The following FBXW11 variants were observed in gnomAD, a reference collection of about 807,000 sequenced individuals.
The protein encoded by FBXW11 is F-box and WD repeat domain containing 11, also known as F-box/WD repeat-containing protein 11.
Under a neutral mutation model 77.6 loss-of-function variants are expected in FBXW11, and 19 were observed. The observed-to-expected ratio is 0.24, with a 90% confidence interval of 0.17 to 0.36. The LOEUF is 0.36. FBXW11 is among the 10% of genes least tolerant of loss of function. FBXW11 has a pLI of 1.00. For synonymous variants in FBXW11, 235 were observed against 249.4 expected, an observed-to-expected ratio of 0.94 and a Z score of 0.54; for missense variants, 334 against 704.2, an observed-to-expected ratio of 0.47 and a Z score of 5.95.
intron 1 of FBXW11, among the ~76,000 whole-genome samples, chr5:171,990,966 C>T (rs1433780969): frequency 6.6e-6 from 1 of 152,098 alleles, no homozygotes; most frequent in Non-Finnish European, 1.5e-5. Context: ...GCTGGGATTA[C>T]AGGCGCATGC....
intron 1 of FBXW11, among the ~76,000 whole-genome samples, chr5:171,996,641 C>A (rs569243452): frequency 1.6e-4 from 24 of 152,244 alleles, no homozygotes; most frequent in African/African-American, 5.5e-4. Flanking sequence ...CCAGCCTGGG[C>A]GACCTGATGT....
Position 171,881,443 on chromosome 5 carries a change from G to A in FBXW11, c.853-3314C>T, listed in dbSNP as rs184409510. Among the ~76,000 whole-genome samples, 11 of 152,076 alleles carry A rather than the reference G, an allele frequency of 7.2e-5. No individual in the cohort carries two copies. In the East Asian group the frequency reaches 1.9e-3, roughly 27 times the overall value. On this transcript the variant is annotated intron_variant, in intron 7 of 13. Coordinates refer to ENST00000517395, the MANE Select transcript of FBXW11 (RefSeq NM_001378974.1). The stretch of plus-strand genomic sequence containing the variant: ...GAAAGAGTGTTCAATTTTCTCAAAC[G>A]CCCTTTCTGCATCTATTGACGTGAT...
At chr5:171,931,048 T>C (rs751131515) in intron 2 of FBXW11, among the ~76,000 whole-genome samples, 26 of 152,174 alleles carry the variant, frequency 1.7e-4, no homozygotes, top group Non-Finnish European at 3.4e-4. Flanking sequence ...TGAAGAGATA[T>C]TCCATGTTCA....
At chr5:171,976,673 G>C (rs1764844368) in intron 1 of FBXW11, among the ~76,000 whole-genome samples, 1 of 152,064 alleles carries the variant, frequency 6.6e-6, no homozygotes, top group Admixed American at 6.6e-5. Flanking sequence ...ATCTTCTGCT[G>C]GGATAATGCA....
At chr5:171,886,712 T>C (rs1240815898) in intron 7 of FBXW11, among the ~76,000 whole-genome samples, 1 of 152,026 alleles carries the variant, frequency 6.6e-6, no homozygotes, top group Non-Finnish European at 1.5e-5. Flanking sequence ...ATCAAGTATA[T>C]ATAAAAATAG....
chr5:171,907,602 A>AT lies in FBXW11; in HGVS notation c.436+2969dup, dbSNP rs1406209012. 5.3e-5 allele frequency among the ~76,000 whole-genome samples: 8 copies of AT among 152,318 alleles called. 1 individual carries two copies. The South Asian group carries it at 1.2e-3, about 24-fold the overall frequency. Reference sequence around the variant, plus strand: ...ATTCATATGTATGATATACACTGACATATGTATATATGTTCAGATCAAGTC... The same window carrying AT: ...ATTCATATGTATGATATACACTGACATTATGTATATATGTTCAGATCAAGTC... On this transcript the variant is annotated intron_variant, in intron 4 of 13. Transcript: ENST00000517395.
rs1327169373 is a variant in FBXW11, at chr5:171,965,527, T to TA, written c.46-7830dup. On this transcript the variant is annotated intron_variant, in intron 1 of 13. Transcript: ENST00000517395. ...GGCAACAGAGTGAGACTCTTGTCTT[T>TA]AAAAATAAAAAAAAAAAAAAAAAGA... 1.4e-3 allele frequency among the ~76,000 whole-genome samples: 199 copies of TA among 143,310 alleles called. 1 individual carries two copies. The highest frequency in any genetic ancestry group is 4.8e-3 in the African/African-American group (177 of 37,058). 94.0% of individuals were successfully genotyped at this position (143,310 alleles called of 152,430 possible).
intron 13 of FBXW11, among the ~76,000 whole-genome samples, chr5:171,867,506 C>T (rs1003170360): frequency 1.2e-4 from 16 of 129,878 alleles, no homozygotes; most frequent in African/African-American, 4.9e-4. Flanking sequence ...AAAAAAAAAA[C>T]GGGTAGTGAG....
chr5:171,866,948 G>A (rs746675226), intron 13 of FBXW11, among the ~76,000 whole-genome samples: 13 of 152,128 alleles, frequency 8.5e-5, no homozygotes, highest in Non-Finnish European at 1.3e-4. Context: ...GAACACACTC[G>A]AGACCCATAA....
rs1210588682 is a variant in FBXW11 at position 171,891,507 on chromosome 5, T to A, written c.812A>T (p.Asp271Val). The change falls in exon 7 of 14, where the codon GAT becomes GTT. Residue 271 changes from aspartate (D) to valine (V), a missense_variant. Around this residue, in one of 10 missense-constraint regions of FBXW11, gnomAD observed 70 missense variants for 136.6 expected, o/e 0.51. Coordinates refer to ENST00000517395, the MANE Select transcript of FBXW11 (RefSeq NM_001378974.1). The part of the protein sequence containing the change: ...SKGVYCLQYD[D>V]EKIISGLRDN... Reference sequence around the variant, plus strand: ...TCGTAGGCCACTGATAATTTTTTCATCATCGTACTGTAAACAGTAGACACC... The same window carrying A: ...TCGTAGGCCACTGATAATTTTTTCAACATCGTACTGTAAACAGTAGACACC... 1 of 1,605,336 alleles carries A rather than the reference T, an allele frequency of 6.2e-7. No individual in the cohort carries two copies. Among genetic ancestry groups the A allele is most frequent in the Non-Finnish European group, 8.5e-7 (1 of 1,176,486 alleles).
intron 1 of FBXW11, among the ~76,000 whole-genome samples, chr5:171,981,674 A>T (rs938317304): frequency 6.6e-6 from 1 of 152,180 alleles, no homozygotes; most frequent in Non-Finnish European, 1.5e-5. Context: ...CTTTACATTT[A>T]CTCTATCTCA....
At chr5:171,924,658 C>T (rs962388564) in intron 2 of FBXW11, among the ~76,000 whole-genome samples, 47 of 152,140 alleles carry the variant, frequency 3.1e-4, no homozygotes, top group African/African-American at 1.1e-3. Context: ...GCAGCAGCCC[C>T]GCATGACAGG....
Position 172,002,696 on chromosome 5 carries a change from C to CTTTT in FBXW11, c.45+3758_45+3761dup, listed in dbSNP as rs34300477. 2.1e-3 allele frequency among the ~76,000 whole-genome samples: 208 copies of CTTTT among 97,040 alleles called. 2 individuals are homozygous for CTTTT. Among genetic ancestry groups the CTTTT allele is most frequent in the African/African-American group, 3.6e-3 (75 of 21,068 alleles). The allele number at this position is 97,040 out of a possible 152,430, so 63.7% of individuals were successfully genotyped here. On this transcript the variant is annotated intron_variant, in intron 1 of 13. Transcript: ENST00000517395. ...TATTCGTTTCTTTCTTTTTTCTTTT[C>CTTTT]TTTTTTTTTTTTTTTTTTTTTGAGA...
intron 2 of FBXW11, among the ~76,000 whole-genome samples, chr5:171,920,735 AT>A (rs1047310499): frequency 1.7e-4 from 26 of 152,290 alleles, no homozygotes; most frequent in African/African-American, 6.3e-4. Context: ...AAAATAAAAA[AT>A]AACTGAAAAT....
chr5:171,975,979 GACT>G (rs1186440306), intron 1 of FBXW11, among the ~76,000 whole-genome samples: 3 of 151,938 alleles, frequency 2.0e-5, no homozygotes, highest in Non-Finnish European at 4.4e-5. Context: ...TCCAAAAGGA[GACT>G]ATATACAGCA....
At chr5:171,938,362 C>T (rs969436120) in intron 2 of FBXW11, among the ~76,000 whole-genome samples, 1 of 152,156 alleles carries the variant, frequency 6.6e-6, no homozygotes, top group African/African-American at 2.4e-5. Flanking sequence ...TGCACCTGGC[C>T]ATAAACAGAT....
At chr5:171,875,075 T>C (rs1268860179) in intron 9 of FBXW11, among the ~76,000 whole-genome samples, 1 of 152,118 alleles carries the variant, frequency 6.6e-6, no homozygotes, top group Non-Finnish European at 1.5e-5. Context: ...AAAATGTCCA[T>C]CAACTAATAA....
At chr5:171,990,044 C>T (rs920889507) in intron 1 of FBXW11, among the ~76,000 whole-genome samples, 1 of 150,628 alleles carries the variant, frequency 6.6e-6, no homozygotes, top group African/African-American at 2.4e-5. Context: ...TTGCAACTTA[C>T]TTTCAAATTT....
chr5:171,983,185 C>A (rs761059646), intron 1 of FBXW11, among the ~76,000 whole-genome samples: 17 of 152,020 alleles, frequency 1.1e-4, no homozygotes, highest in Non-Finnish European at 1.9e-4. Flanking sequence ...AAGACCGTCT[C>A]AAAAACAAAA....
Sources: gnomAD v4.1 joint callset for allele counts (sites outside exome capture counted in the v4.1 genomes callset) on GRCh38, gnomAD v4.1.1 for gene constraint, gnomAD v4.1.1 regional missense constraint, MANE v1.5 for transcripts, NCBI Gene and HGNC (gene_info 2026-07-23, HGNC 2026-07-21) for gene names.